Variants in GRIK2 observed in about 807,000 individuals in gnomAD.
GRIK2 encodes the protein glutamate receptor ionotropic, kainate 2.
In GRIK2, 32 loss-of-function variants were observed where a neutral mutation model predicts 100.3. The ratio of observed to expected loss-of-function variants is 0.32; its 90% CI spans 0.24 to 0.43. The LOEUF is 0.43. GRIK2 is among the 20% of genes least tolerant of loss of function. The probability of loss-of-function intolerance (pLI) is 1.00; values close to 1 mark genes in which losing one functional copy is unlikely to be tolerated. For missense variants in GRIK2, 843 were observed against 1,114.9 expected (o/e 0.76, Z 3.47); for synonymous variants, 417 against 389.4 (o/e 1.07, Z -0.83).
chr6:101,866,997 G>A (rs886406102), intron 11 of GRIK2, among the ~76,000 whole-genome samples: 26 of 151,814 alleles, frequency 1.7e-4, no homozygotes, highest in Non-Finnish European at 2.9e-5. Flanking sequence ...AATGGCTTGT[G>A]ATGTTTGTGA....
At chr6:101,447,584 A>G (rs1248967512) in intron 2 of GRIK2, among the ~76,000 whole-genome samples, 1 of 151,732 alleles carries the variant, frequency 6.6e-6, no homozygotes. Flanking sequence ...TTCTGGAAAT[A>G]TATAGATTTC....
chr6:101,425,267 T>A (rs1316046475), intron 2 of GRIK2, among the ~76,000 whole-genome samples: 1 of 152,192 alleles, frequency 6.6e-6, no homozygotes, highest in Non-Finnish European at 1.5e-5. Flanking sequence ...GTTGAACTAG[T>A]TTATCCAAAT....
chr6:101,443,182 G>A (rs952755225), intron 2 of GRIK2, among the ~76,000 whole-genome samples: 1 of 152,072 alleles, frequency 6.6e-6, no homozygotes, highest in Non-Finnish European at 1.5e-5. Context: ...GAGGCACATA[G>A]TTACTTAAGG....
At chr6:101,687,952 T>C (rs1272474802) in intron 7 of GRIK2, among the ~76,000 whole-genome samples, 1 of 150,670 alleles carries the variant, frequency 6.6e-6, no homozygotes, top group African/African-American at 2.4e-5. Flanking sequence ...ATTACCAGTT[T>C]AAAGATGGTG....
chr6:101,529,056 T>A (rs1775291836), intron 2 of GRIK2, among the ~76,000 whole-genome samples: 1 of 152,224 alleles, frequency 6.6e-6, no homozygotes, highest in Non-Finnish European at 1.5e-5. Context: ...TTAAGCTGAA[T>A]TTCTTTCTCA....
rs9498830 is a variant in GRIK2 at position 102,061,925 on chromosome 6, C to A, written c.2562+6345C>A. Among the ~76,000 whole-genome samples, 5 of 149,962 alleles carry A rather than the reference C, an allele frequency of 3.3e-5. No individual in the cohort carries two copies. The Admixed American group carries it at 3.3e-4, about 10-fold the overall frequency. ...TTTGGATGTAACTCTTAAAAAAAAT[C>A]GTATCATTATGACTACTAGCAAAAA... On this transcript the variant is annotated intron_variant, in intron 16 of 16. Transcript: ENST00000369134.
intron 2 of GRIK2, among the ~76,000 whole-genome samples, chr6:101,489,334 A>C (rs1396550087): frequency 6.8e-6 from 1 of 146,210 alleles, no homozygotes; most frequent in Non-Finnish European, 1.5e-5. Context: ...GGAACTCTCT[A>C]ATAAGATTTG....
At chr6:101,774,175 A>G (rs540582245) in intron 7 of GRIK2, among the ~76,000 whole-genome samples, 2 of 152,248 alleles carry the variant, frequency 1.3e-5, no homozygotes, top group East Asian at 1.9e-4. Context: ...TTTCTAGTGT[A>G]TTTTTGGTTT....
At chr6:101,628,121 C>G (rs1029062674) in intron 4 of GRIK2, among the ~76,000 whole-genome samples, 1 of 151,956 alleles carries the variant, frequency 6.6e-6, no homozygotes, top group Admixed American at 6.6e-5. Context: ...TTTAAATTCT[C>G]TCAAAGTATG....
intron 14 of GRIK2, among the ~76,000 whole-genome samples, chr6:102,029,209 G>C (rs558866365): frequency 1.1e-4 from 17 of 151,088 alleles, no homozygotes; most frequent in Non-Finnish European, 1.9e-4. Context: ...GATCAGCTTA[G>C]TCCTTATGTT....
intron 2 of GRIK2, among the ~76,000 whole-genome samples, chr6:101,546,550 C>A (rs1776244597): frequency 6.6e-6 from 1 of 152,076 alleles, no homozygotes; most frequent in Non-Finnish European, 1.5e-5. Flanking sequence ...CCTAAGAGAC[C>A]TTGAACAAAT....
At chr6:102,033,971 G>A (rs985694095) in intron 14 of GRIK2, among the ~76,000 whole-genome samples, 4 of 151,340 alleles carry the variant, frequency 2.6e-5, no homozygotes, top group Non-Finnish European at 5.9e-5. Flanking sequence ...AAAAATGTTT[G>A]ATGTGTTTAT....
chr6:101,464,497 C>CT (rs71028069), intron 2 of GRIK2, among the ~76,000 whole-genome samples: 10 of 62,006 alleles, frequency 1.6e-4, no homozygotes, highest in Non-Finnish European at 2.7e-4. Context: ...CTTTTTCTTT[C>CT]TTTTTTTTTT....
intron 1 of GRIK2, among the ~76,000 whole-genome samples, chr6:101,397,623 T>C: frequency 6.6e-6 from 1 of 152,160 alleles, no homozygotes; most frequent in South Asian, 2.1e-4. Flanking sequence ...CTTAAGAAAA[T>C]TTAAATTAAA....
At chr6:101,838,754 C>A (rs1284820832) in intron 10 of GRIK2, among the ~76,000 whole-genome samples, 1 of 151,334 alleles carries the variant, frequency 6.6e-6, no homozygotes, top group Non-Finnish European at 1.5e-5. Context: ...TGGGTTCCAG[C>A]AATTCTCGTG....
chr6:101,736,140 C>T (rs886517214), intron 7 of GRIK2, among the ~76,000 whole-genome samples: 2 of 152,226 alleles, frequency 1.3e-5, no homozygotes, highest in Non-Finnish European at 2.9e-5. Context: ...TCTTAGGTAG[C>T]TCTGCCCCTG....
At chr6:101,911,827 T>C (rs1788712815) in intron 12 of GRIK2, among the ~76,000 whole-genome samples, 1 of 151,484 alleles carries the variant, frequency 6.6e-6, no homozygotes, top group Non-Finnish European at 1.5e-5. Flanking sequence ...TACACAATAA[T>C]ACACACACAT....
In GRIK2 at chr6:101,546,891, C is replaced by A. The variant is rs1214147878; in HGVS notation, c.116-75058C>A. On this transcript the variant is annotated intron_variant, in intron 2 of 16. Transcript: ENST00000369134. ...TGTCGCCCAGGCTGGAGTGCAGTGG[C>A]GGGATCTCGGCTCACTGCAAGCTCC... Among the ~76,000 whole-genome samples, 4 of 114,310 alleles carry A rather than the reference C, an allele frequency of 3.5e-5. No homozygotes were observed. In the Admixed American group the frequency reaches 5.0e-4, roughly 14 times the overall value. The allele number at this position is 114,310 out of a possible 152,430, so 75.0% of individuals were successfully genotyped here. A position where few individuals can be genotyped will look rare whatever the true frequency, so the allele number is the denominator to read the frequency against.
At chr6:101,532,015 C>G (rs900112266) in intron 2 of GRIK2, among the ~76,000 whole-genome samples, 1 of 151,804 alleles carries the variant, frequency 6.6e-6, no homozygotes, top group African/African-American at 2.4e-5. Flanking sequence ...TTTATAAAAC[C>G]TAAGTATTGT....
Sources: gnomAD v4.1 joint callset for allele counts (sites outside exome capture counted in the v4.1 genomes callset) on GRCh38, gnomAD v4.1.1 for gene constraint, MANE v1.5 for transcripts, NCBI Gene and HGNC (gene_info 2026-07-23, HGNC 2026-07-21) for gene names.